VPS41: variants seen among roughly 807,000 people sequenced by gnomAD.
VPS41 encodes VPS41 subunit of HOPS complex.
In VPS41, 85 loss-of-function variants were observed where a neutral mutation model predicts 130.9. The observed-to-expected ratio is 0.65, with a 90% CI of 0.55 to 0.78. The LOEUF is 0.78. Among genes scored for constraint, VPS41 ranks in the 30% least tolerant of loss-of-function variants. The pLI is 0.00. For missense variants in VPS41, 874 were observed against 1,018.7 expected, an observed-to-expected ratio of 0.86 and a Z score of 1.93; for synonymous variants, 335 against 332.9, an observed-to-expected ratio of 1.01 and a Z score of -0.07.
chr7:38,845,243 A>C (rs1205866089), intron 4 of VPS41, among the ~76,000 whole-genome samples: 2 of 152,202 alleles, frequency 1.3e-5, no homozygotes, highest in African/African-American at 4.8e-5. Flanking sequence ...GAAATGTTCA[A>C]AACATTACTT....
intron 7 of VPS41, among the ~76,000 whole-genome samples, chr7:38,801,628 T>C (rs1784727808): frequency 1.3e-5 from 2 of 152,214 alleles, no homozygotes; most frequent in South Asian, 4.1e-4. Flanking sequence ...TCTGTATATG[T>C]TTTATGGTCA....
intron 1 of VPS41, among the ~76,000 whole-genome samples, chr7:38,901,451 T>C (rs909093371): frequency 2.0e-5 from 3 of 152,118 alleles, no homozygotes; most frequent in Non-Finnish European, 4.4e-5. Context: ...TGGCAGTAGG[T>C]TGAAGGGTAG....
chr7:38,871,629 C>A (rs1384071464), intron 2 of VPS41, among the ~76,000 whole-genome samples: 1 of 152,172 alleles, frequency 6.6e-6, no homozygotes, highest in African/African-American at 2.4e-5. Context: ...GCTCTAAAGT[C>A]AATACCTTCT....
intron 10 of VPS41, among the ~76,000 whole-genome samples, chr7:38,777,274 A>G (rs1784276332): frequency 6.6e-6 from 1 of 150,836 alleles, no homozygotes; most frequent in East Asian, 1.9e-4. Flanking sequence ...CTTGAAGTTA[A>G]AAAAAGATGC....
At chr7:38,900,979 G>C (rs941476804) in intron 1 of VPS41, among the ~76,000 whole-genome samples, 1 of 152,176 alleles carries the variant, frequency 6.6e-6, no homozygotes, top group Admixed American at 6.5e-5. Context: ...AATCCAAGAA[G>C]GCTGAACTTT....
intron 2 of VPS41, among the ~76,000 whole-genome samples, chr7:38,881,769 G>T (rs1475468671): frequency 6.6e-6 from 1 of 152,006 alleles, no homozygotes. Flanking sequence ...CCAAAATGAG[G>T]ACACAACACC....
At chr7:38,875,979 T>C (rs1273789413) in intron 2 of VPS41, among the ~76,000 whole-genome samples, 2 of 152,238 alleles carry the variant, frequency 1.3e-5, no homozygotes, top group Non-Finnish European at 2.9e-5. Context: ...CACATATTAT[T>C]ATTTAAAGCA....
chr7:38,766,657 C>G (rs1347767655), intron 15 of VPS41, among the ~76,000 whole-genome samples: 2 of 152,156 alleles, frequency 1.3e-5, no homozygotes, highest in African/African-American at 4.8e-5. Context: ...ATGGGAGTGA[C>G]CAGATGGAGA....
chr7:38,784,357 G>A (rs115653513), intron 10 of VPS41, among the ~76,000 whole-genome samples: 2,051 of 152,258 alleles, frequency 0.013, 62 homozygotes, highest in African/African-American at 0.046. Flanking sequence ...GTAAGTCAGG[G>A]CCGGGTATGG....
intron 3 of VPS41, among the ~76,000 whole-genome samples, chr7:38,868,027 G>T (rs1786266036): frequency 6.6e-6 from 1 of 152,196 alleles, no homozygotes; most frequent in South Asian, 2.1e-4. Flanking sequence ...ACAAAAGCTT[G>T]AAGTATAACA....
intron 17 of VPS41, 83 bp downstream of exon 17, chr7:38,763,372 C>T (rs1013972300): frequency 7.9e-6 from 7 of 884,246 alleles, no homozygotes; most frequent in Non-Finnish European, 1.2e-5. Context: ...CCTTTACAGG[C>T]ATTGCTCCAT....
chr7:38,896,309 G>T (rs1786990956), intron 2 of VPS41, among the ~76,000 whole-genome samples: 1 of 152,176 alleles, frequency 6.6e-6, no homozygotes, highest in South Asian at 2.1e-4. Context: ...TTTCAATACT[G>T]TATGAGAAAT....
chr7:38,726,851 C>T, intron 28 of VPS41, 58 bp downstream of exon 28: 1 of 1,413,182 alleles, frequency 7.1e-7, no homozygotes, highest in East Asian at 2.6e-5. Flanking sequence ...GTTTAAAGCA[C>T]ATTCCTCTAA....
intron 25 of VPS41, chr7:38,741,324 T>C (rs6975410): frequency 0.89 from 306,961 of 345,258 alleles, 136,755 homozygotes; most frequent in East Asian, 0.99. Context: ...TCTATAGAAG[T>C]TACCAGCATC....
intron 1 of VPS41, 23 bp from the exon 2 acceptor site, chr7:38,898,152 A>G: frequency 6.2e-7 from 1 of 1,605,128 alleles, no homozygotes; most frequent in Non-Finnish European, 8.5e-7. Context: ...GAAAAAGAAA[A>G]TGGTCAGAAG....
intron 2 of VPS41, among the ~76,000 whole-genome samples, chr7:38,886,826 A>G (rs1786742823): frequency 6.6e-6 from 1 of 152,168 alleles, no homozygotes; most frequent in African/African-American, 2.4e-5. Flanking sequence ...TTCCAGAGGA[A>G]GGATCAGGCA....
chr7:38,835,111 T>A (rs1301674399), intron 4 of VPS41, among the ~76,000 whole-genome samples: 1 of 152,046 alleles, frequency 6.6e-6, no homozygotes, highest in African/African-American at 2.4e-5. Flanking sequence ...TATTTGCAAA[T>A]ATACAGATAT....
intron 7 of VPS41, among the ~76,000 whole-genome samples, chr7:38,797,914 G>A (rs766443748): frequency 2.0e-5 from 3 of 152,142 alleles, no homozygotes; most frequent in Non-Finnish European, 4.4e-5. Flanking sequence ...AGTAAGCAAA[G>A]TACAGTTACT....
intron 9 of VPS41, among the ~76,000 whole-genome samples, chr7:38,793,544 A>T (rs1261487531): frequency 6.6e-6 from 1 of 152,220 alleles, no homozygotes; most frequent in East Asian, 1.9e-4. Context: ...TTGGGCATAA[A>T]GAAAGGGTAT....
Sources: allele counts gnomAD v4.1 joint callset (sites outside exome capture counted in the v4.1 genomes callset), GRCh38; gene constraint gnomAD v4.1.1; transcripts MANE v1.5; gene names NCBI Gene and HGNC (gene_info 2026-07-23, HGNC 2026-07-21).